ANKRD29: variants seen among roughly 807,000 people sequenced by gnomAD.
ANKRD29 encodes ankyrin repeat domain 29, also known as ankyrin repeat domain-containing protein 29.
A neutral mutation model predicts 38.0 loss-of-function variants in ANKRD29; 32 were observed. That is an observed-to-expected ratio of 0.84 (90% CI 0.64 to 1.13). The LOEUF is 1.13. ANKRD29 is among the 50% of genes most tolerant of loss of function. ANKRD29 has a pLI of 0.00. For missense variants in ANKRD29, 357 were observed against 377.9 expected (o/e 0.94, Z 0.46); for synonymous variants, 135 against 152.4 (o/e 0.89, Z 0.84).
At chr18:23,611,354 T>C (rs1173342610) in intron 9 of ANKRD29, among the ~76,000 whole-genome samples, 4 of 152,166 alleles carry the variant, frequency 2.6e-5, no homozygotes, top group African/African-American at 9.7e-5. Context: ...TCTCCCTTTC[T>C]TCCTCGCCTC....
At chr18:23,629,583 G>A (rs1418619712) in intron 6 of ANKRD29, among the ~76,000 whole-genome samples, 1 of 152,244 alleles carries the variant, frequency 6.6e-6, no homozygotes, top group Non-Finnish European at 1.5e-5. Flanking sequence ...GGCAGAGTGT[G>A]TACTTGTGTA....
intron 6 of ANKRD29, among the ~76,000 whole-genome samples, chr18:23,628,325 T>G (rs1371483685): frequency 6.6e-6 from 1 of 152,204 alleles, no homozygotes; most frequent in Non-Finnish European, 1.5e-5. Context: ...AGGCTCCTTA[T>G]GTGCTTGGGC....
chr18:23,613,300 G>A (rs915298688), intron 8 of ANKRD29, among the ~76,000 whole-genome samples: 1 of 151,148 alleles, frequency 6.6e-6, no homozygotes, highest in Non-Finnish European at 1.5e-5. Flanking sequence ...AGCCTCCTGA[G>A]TAGCTGGGAC....
intron 9 of ANKRD29, among the ~76,000 whole-genome samples, chr18:23,605,375 T>A (rs2059562553): frequency 6.6e-6 from 1 of 151,854 alleles, no homozygotes; most frequent in East Asian, 1.9e-4. Context: ...CTGGCTTATT[T>A]TTTTTCTGGA....
intron 3 of ANKRD29, among the ~76,000 whole-genome samples, chr18:23,640,734 G>A (rs1039587619): frequency 2.0e-5 from 3 of 152,096 alleles, no homozygotes; most frequent in Non-Finnish European, 4.4e-5. Flanking sequence ...CATTCTTGTG[G>A]GCAACATACA....
intron 8 of ANKRD29, among the ~76,000 whole-genome samples, chr18:23,614,811 C>T (rs1198181459): frequency 6.6e-6 from 1 of 152,020 alleles, no homozygotes; most frequent in Non-Finnish European, 1.5e-5. Context: ...AGAGCAGACA[C>T]AAAATATCCA....
At chr18:23,657,276 T>C (rs770616127) in intron 1 of ANKRD29, among the ~76,000 whole-genome samples, 6 of 152,188 alleles carry the variant, frequency 3.9e-5, no homozygotes, top group Non-Finnish European at 8.8e-5. Context: ...CCTCACCTCC[T>C]TTCCCTTTAG....
chr18:23,612,141 G>C lies in ANKRD29; in HGVS notation c.773C>G (p.Thr258Arg), dbSNP rs766081755. ...HAAVLSGNIK[T>R]VALLLEAGAD... ...CCCTGCTTCTAGGAGCAGCGCAACT[G>C]TTTTAATGTTTCCACTGAGCACTGC... The change falls in exon 9 of 10, where the codon ACA (threonine) becomes AGA (arginine). Residue 258 changes from threonine (T) to arginine (R), a missense_variant. Physicochemically the swap from Thr to Arg is moderately conservative, Grantham distance 71. Transcript: ENST00000592179. 1.9e-6 allele frequency: 3 copies of C among 1,613,874 alleles called. No individual in the cohort carries two copies. Among genetic ancestry groups the C allele is most frequent in the Non-Finnish European group, 2.5e-6 (3 of 1,180,000 alleles).
At chr18:23,601,375 AG>A (rs1266748231) in intron 9 of ANKRD29, 66 bp from the exon 10 acceptor site, 1 of 1,374,006 alleles carries the variant, frequency 7.3e-7, no homozygotes, top group Non-Finnish European at 1.0e-6. Flanking sequence ...GACTCCAAAG[AG>A]GGGCATTTGA....
At chr18:23,627,624 T>C (rs2059878577) in intron 6 of ANKRD29, among the ~76,000 whole-genome samples, 1 of 152,224 alleles carries the variant, frequency 6.6e-6, no homozygotes, top group Admixed American at 6.5e-5. Flanking sequence ...CTTGGTTTTT[T>C]ACAAGCAGTA....
At chr18:23,655,393 G>C (rs1164453887) in intron 1 of ANKRD29, among the ~76,000 whole-genome samples, 1 of 152,096 alleles carries the variant, frequency 6.6e-6, no homozygotes, top group East Asian at 1.9e-4. Flanking sequence ...CCTGGCTGGG[G>C]TATAGTATCA....
rs767831283 is a variant in ANKRD29, at chr18:23,638,896, C to T, written c.283G>A (p.Val95Met). 1.5e-5 allele frequency: 24 copies of T among 1,612,994 alleles called. No individual in the cohort carries two copies. Among genetic ancestry groups the T allele is most frequent in the South Asian group, 9.9e-5 (9 of 90,822 alleles). ...FAAQQGHNDVVRFLFGFGAST... is the reference protein window; with the variant it reads ...FAAQQGHNDVMRFLFGFGAST... ...GCTCCAAATCCAAAGAGAAATCTCACGACATCATTATGGCCTTGCTGGGCG... is the reference window on the plus strand; with the variant it reads ...GCTCCAAATCCAAAGAGAAATCTCATGACATCATTATGGCCTTGCTGGGCG... The change falls in exon 4 of 10, where the codon GTG (valine) becomes ATG (methionine). Residue 95 changes from valine (V) to methionine (M), a missense_variant. Val to Met is a conservative substitution (Grantham distance 21). Transcript: ENST00000592179.
intron 5 of ANKRD29, among the ~76,000 whole-genome samples, chr18:23,631,605 G>A (rs1267896262): frequency 6.6e-6 from 1 of 152,140 alleles, no homozygotes; most frequent in African/African-American, 2.4e-5. Flanking sequence ...AACCCTGAAA[G>A]ATGTTTTCAA....
At chr18:23,647,103 A>G (rs1282636750) in intron 2 of ANKRD29, 3 of 152,244 alleles carry the variant, frequency 2.0e-5, no homozygotes, top group East Asian at 3.9e-4. Context: ...CTCATTAGGT[A>G]TAGGGTAATT....
At chr18:23,642,178 G>A (rs907574914) in intron 3 of ANKRD29, among the ~76,000 whole-genome samples, 3 of 151,842 alleles carry the variant, frequency 2.0e-5, no homozygotes, top group Non-Finnish European at 2.9e-5. Context: ...AGGACCTGGC[G>A]AATGACCCTG....
At chr18:23,612,062 A>T (rs1266306889) in intron 9 of ANKRD29, 30 bp downstream of exon 9, 1 of 1,604,208 alleles carries the variant, frequency 6.2e-7, no homozygotes, top group Non-Finnish European at 8.5e-7. Context: ...CAATGGGCCC[A>T]AACGAGTTAA....
intron 2 of ANKRD29, chr18:23,648,677 A>ATT: frequency 8.1e-6 from 3 of 370,256 alleles, no homozygotes; most frequent in East Asian, 3.7e-5. Flanking sequence ...GGAGGCTTCA[A>ATT]TTTTTGTTTT....
intron 9 of ANKRD29, among the ~76,000 whole-genome samples, chr18:23,607,005 T>C (rs2059582705): frequency 6.6e-6 from 1 of 152,202 alleles, no homozygotes; most frequent in Non-Finnish European, 1.5e-5. Flanking sequence ...GGAACCCCAG[T>C]TGCTTTATCT....
intron 4 of ANKRD29, 22 bp from the exon 5 acceptor site, chr18:23,634,171 A>G: frequency 6.2e-7 from 1 of 1,604,850 alleles, no homozygotes; most frequent in Non-Finnish European, 8.5e-7. Context: ...CAAAGTATAA[A>G]CACATTAGAG....
Sources: gnomAD v4.1 joint callset for allele counts (sites outside exome capture counted in the v4.1 genomes callset) on GRCh38, gnomAD v4.1.1 for gene constraint, MANE v1.5 for transcripts, NCBI Gene and HGNC (gene_info 2026-07-23, HGNC 2026-07-21) for gene names.